Variants in TMEM198 observed in about 807,000 individuals in gnomAD.
TMEM198 encodes transmembrane protein 198.
In TMEM198, 21 loss-of-function variants were observed where a neutral mutation model predicts 31.5. That is an observed-to-expected ratio of 0.67 (90% CI 0.47 to 0.96). The LOEUF is 0.96. TMEM198 is among the 40% of genes least tolerant of loss of function. TMEM198 has a pLI of 0.00. For missense variants in TMEM198, 447 were observed against 499.4 expected, an observed-to-expected ratio of 0.89 and a Z score of 1.00; for synonymous variants, 211 against 223.3, an observed-to-expected ratio of 0.95 and a Z score of 0.49.
At chr2:219,549,687 G>A in intron 4 of TMEM198, 30 bp from the exon 5 acceptor site, 2 of 1,607,628 alleles carry the variant, frequency 1.2e-6, no homozygotes, top group Non-Finnish European at 1.7e-6. Context: ...TTCTGCGGTG[G>A]GACTCACACC....
In TMEM198 at chr2:219,547,686, T is replaced by C; in HGVS notation, c.347T>C (p.Val116Ala). The C allele has an allele frequency of 6.4e-7, 1 of 1,562,792 alleles. No individual in the cohort carries two copies. Among genetic ancestry groups the C allele is most frequent in the Non-Finnish European group, 8.6e-7 (1 of 1,157,202 alleles). ...CGLVAMLVRS[V>A]GLFLVGLLLG... is the part of the protein sequence containing the mutation. ...CTGGTGGCCATGCTAGTGCGCAGCG[T>C]GGGCCTCTTCCTGGTGGGGCTGCTG... The change falls in exon 3 of 5, where the codon GTG becomes GCG. Residue 116 changes from valine to alanine, a missense_variant. Val to Ala is a moderately conservative substitution (Grantham distance 64). Transcript: ENST00000373883.
In TMEM198 at chr2:219,547,634, G is replaced by A. The variant is rs763291126; in HGVS notation, c.295G>A (p.Ala99Thr). ...QLSAGASAGI[A>T]LGIGLLCGLV... The stretch of plus-strand genomic sequence containing the variant: ...GAGTGCTGGGGCGAGCGCGGGCATC[G>A]CTCTGGGCATCGGGCTGCTCTGCGG... Residue 99 changes from alanine to threonine, a missense_variant, in exon 3 of 5, where the codon GCT becomes ACT. Coordinates refer to ENST00000373883, the MANE Select transcript of TMEM198 (RefSeq NM_001005209.3). 3.3e-6 allele frequency: 5 copies of A among 1,518,934 alleles called. No homozygotes were observed. The highest frequency in any genetic ancestry group is 4.6e-5 in the East Asian group (2 of 43,506). The allele number at this position is 1,518,934 out of a possible 1,614,324, so 94.1% of individuals were successfully genotyped here.
rs753135597 is a variant in TMEM198 at position 219,549,200 on chromosome 2, A to G, written c.791A>G (p.Gln264Arg). The change falls in exon 4 of 5, where the codon CAG (glutamine) becomes CGG (arginine). Residue 264 changes from glutamine to arginine, a missense_variant. Gln to Arg is a conservative substitution (Grantham distance 43). Coordinates refer to ENST00000373883, the MANE Select transcript of TMEM198 (RefSeq NM_001005209.3). Reference sequence around the variant, plus strand: ...CGCGTGCAACTGATGCGGATTCGGCAGCAGGAAGATCGCAAGGAGAAAAGG... The same window carrying G: ...CGCGTGCAACTGATGCGGATTCGGCGGCAGGAAGATCGCAAGGAGAAAAGG... ...RRRVQLMRIRQQEDRKEKRRK... is the reference protein window; with the variant it reads ...RRRVQLMRIRRQEDRKEKRRK... 1 of 1,614,018 alleles carries G rather than the reference A, an allele frequency of 6.2e-7. No individual in the cohort carries two copies. Among genetic ancestry groups the G allele is most frequent in the Non-Finnish European group, 8.5e-7 (1 of 1,180,022 alleles).
chr2:219,549,386 A>T, intron 4 of TMEM198, 32 bp downstream of exon 4: 1 of 1,592,738 alleles, frequency 6.3e-7, no homozygotes, highest in Non-Finnish European at 8.6e-7. Flanking sequence ...AGCCAGAATG[A>T]GAAGGAAGTG....
chr2:219,545,704 G>C (rs1695375258), intron 2 of TMEM198, among the ~76,000 whole-genome samples: 1 of 152,176 alleles, frequency 6.6e-6, no homozygotes, highest in African/African-American at 2.4e-5. Context: ...TATGGGCTGG[G>C]GGCCCAAAGA....
At chr2:219,545,865 GTCCCTCCCA>G (rs993307653) in intron 2 of TMEM198, among the ~76,000 whole-genome samples, 27 of 152,150 alleles carry the variant, frequency 1.8e-4, no homozygotes, top group African/African-American at 6.5e-4. Flanking sequence ...GAGCCAGATG[GTCCCTCCCA>G]TTCCTCCCCC....
At position 219,544,698 on chromosome 2, in the gene TMEM198, G is replaced by A; in HGVS notation, c.-30G>A. 2 of 1,603,168 alleles carry A rather than the reference G, an allele frequency of 1.2e-6. No individual in the cohort carries two copies. Among genetic ancestry groups the A allele is most frequent in the Non-Finnish European group, 1.7e-6 (2 of 1,172,726 alleles). ...ACTTTCCCTCTGTCAGGTTAACTTG[G>A]GAGGGTGACTCCCTTCTATTCCCAG... On this transcript the variant is annotated 5_prime_UTR_variant, in exon 2 of 5. Transcript: ENST00000373883.
rs755041845 is a variant in TMEM198, at chr2:219,549,865, C to T, written c.*11C>T. ...CCAGTGCGGGTATAGCCATATCTGT[C>T]TGTCTAGACTCTGCAGTCACCAGCT... is the stretch of plus-strand genomic sequence containing the variant. On this transcript the variant is annotated 3_prime_UTR_variant, in exon 5 of 5. Coordinates refer to ENST00000373883, the MANE Select transcript of TMEM198 (RefSeq NM_001005209.3). 19 of 1,607,972 alleles carry T rather than the reference C, an allele frequency of 1.2e-5. No homozygotes were observed. The highest frequency in any genetic ancestry group is 1.5e-5 in the Non-Finnish European group (18 of 1,175,076).
At position 219,549,991 on chromosome 2, in the gene TMEM198, G is replaced by A; in HGVS notation, c.*137G>A. The A allele has an allele frequency of 2.5e-6, 3 of 1,214,066 alleles. No homozygotes were observed. In the South Asian group the frequency reaches 4.5e-5, roughly 18 times the overall value. 75.2% of individuals were successfully genotyped at this position (1,214,066 alleles called of 1,614,324 possible). A position where few individuals can be genotyped will look rare whatever the true frequency, so the allele number is the denominator to read the frequency against. ...GGGCTGGCCTGGTCACTAGAAGGGA[G>A]GATTGTCTCAGGCGAGTCTTGGCCT... is the stretch of plus-strand genomic sequence containing the variant. On this transcript the variant is annotated 3_prime_UTR_variant, in exon 5 of 5. Transcript: ENST00000373883.
chr2:219,548,216 G>A (rs925355528), intron 3 of TMEM198, 135 bp downstream of exon 3: 6 of 825,310 alleles, frequency 7.3e-6, no homozygotes, highest in Non-Finnish European at 1.1e-5. Context: ...CTCAGGGTCT[G>A]GGAGGATAGC....
chr2:219,544,482 C>T, intron 1 of TMEM198, 105 bp downstream of exon 1: 1 of 592,988 alleles, frequency 1.7e-6, no homozygotes, highest in Admixed American at 2.7e-5. Flanking sequence ...TCCCGTCCCT[C>T]TTTTAACTTC....
At chr2:219,547,032 C>T (rs944596645) in intron 2 of TMEM198, among the ~76,000 whole-genome samples, 2 of 151,984 alleles carry the variant, frequency 1.3e-5, no homozygotes, top group African/African-American at 4.8e-5. Context: ...CCCGCCTTGG[C>T]CTCCCATAGT....
intron 2 of TMEM198, among the ~76,000 whole-genome samples, chr2:219,545,237 T>C (rs1221198817): frequency 6.6e-6 from 1 of 152,230 alleles, no homozygotes; most frequent in East Asian, 1.9e-4. Context: ...TTGTAGCTAT[T>C]GTGAGGATGT....
In TMEM198 at chr2:219,550,000, C is replaced by A; in HGVS notation, c.*146C>A. On this transcript the variant is annotated 3_prime_UTR_variant, in exon 5 of 5. Transcript: ENST00000373883. Reference sequence around the variant, plus strand: ...TGGTCACTAGAAGGGAGGATTGTCTCAGGCGAGTCTTGGCCTGAGAGGAAA... The same window carrying A: ...TGGTCACTAGAAGGGAGGATTGTCTAAGGCGAGTCTTGGCCTGAGAGGAAA... 8.7e-7 allele frequency: 1 copy of A among 1,148,582 alleles called. No individual in the cohort carries two copies. Among genetic ancestry groups the A allele is most frequent in the Non-Finnish European group, 1.2e-6 (1 of 827,564 alleles). 71.1% of individuals were successfully genotyped at this position (1,148,582 alleles called of 1,614,324 possible).
In TMEM198 at chr2:219,550,005, G is replaced by C. The variant is rs768523721; in HGVS notation, c.*151G>C. 1 of 1,100,590 alleles carries C rather than the reference G, an allele frequency of 9.1e-7. No homozygotes were observed. The highest frequency in any genetic ancestry group is 1.3e-6 in the Non-Finnish European group (1 of 787,342). The allele number at this position is 1,100,590 out of a possible 1,614,324, so 68.2% of individuals were successfully genotyped here. Reference sequence around the variant, plus strand: ...ACTAGAAGGGAGGATTGTCTCAGGCGAGTCTTGGCCTGAGAGGAAAGCCCC... The same window carrying C: ...ACTAGAAGGGAGGATTGTCTCAGGCCAGTCTTGGCCTGAGAGGAAAGCCCC... On this transcript the variant is annotated 3_prime_UTR_variant, in exon 5 of 5. Transcript: ENST00000373883.
At chr2:219,546,119 G>A (rs530916647) in intron 2 of TMEM198, among the ~76,000 whole-genome samples, 9 of 152,004 alleles carry the variant, frequency 5.9e-5, no homozygotes, top group South Asian at 4.2e-4. Flanking sequence ...CCTTGTCCAC[G>A]CCCTACTCCT....
chr2:219,544,444 G>A (rs962823505), intron 1 of TMEM198, 67 bp downstream of exon 1: 5 of 566,402 alleles, frequency 8.8e-6, no homozygotes, highest in Admixed American at 2.4e-5. Context: ...CCTTCTCACT[G>A]GCAGCACGCT....
Position 219,550,127 on chromosome 2 carries a change from ATG to A in TMEM198, c.*280_*281del, listed in dbSNP as rs925369751. On this transcript the variant is annotated 3_prime_UTR_variant, in exon 5 of 5. Coordinates refer to ENST00000373883, the MANE Select transcript of TMEM198 (RefSeq NM_001005209.3). ...GTGTGTTGCCCGTGTGTCTGTGTGTATGTGTGTGGGGGTGGGCAGGCTTGGAG... is the reference window on the plus strand; with the variant it reads ...GTGTGTTGCCCGTGTGTCTGTGTGTATGTGTGGGGGTGGGCAGGCTTGGAG... The A allele has an allele frequency of 1.4e-4, 58 of 407,876 alleles. No homozygotes were observed. The highest frequency in any genetic ancestry group is 2.3e-4 in the Non-Finnish European group (53 of 227,602). The allele number at this position is 407,876 out of a possible 1,614,324, so 25.3% of individuals were successfully genotyped here. A position where few individuals can be genotyped will look rare whatever the true frequency, so the allele number is the denominator to read the frequency against.
chr2:219,545,372 A>C (rs1393228040), intron 2 of TMEM198, among the ~76,000 whole-genome samples: 2 of 152,146 alleles, frequency 1.3e-5, no homozygotes, highest in Non-Finnish European at 2.9e-5. Flanking sequence ...CCTGGGATAC[A>C]TATTAGAGTG....
Sources: allele counts gnomAD v4.1 joint callset (sites outside exome capture counted in the v4.1 genomes callset), GRCh38; gene constraint gnomAD v4.1.1; transcripts MANE v1.5; gene names NCBI Gene and HGNC (gene_info 2026-07-23, HGNC 2026-07-21).